Variants in HRH1 observed in about 807,000 individuals in gnomAD.
The protein encoded by HRH1 is histamine receptor H1, also known as histamine H1 receptor.
HRH1 carries 6 observed loss-of-function variants against 10.3 expected under a neutral mutation model. The ratio of observed to expected loss-of-function variants is 0.58; its 90% CI spans 0.32 to 1.15. The LOEUF is 1.15. Among genes scored for constraint, HRH1 ranks in the 50% most tolerant of loss-of-function variants. HRH1 has a pLI of 0.05. For synonymous variants in HRH1, 242 were observed against 236.7 expected (o/e 1.02, Z -0.21); for missense variants, 514 against 615.3 (o/e 0.84, Z 1.74).
At chr3:11,138,138 C>T (rs532639896) in intron 1 of HRH1, among the ~76,000 whole-genome samples, 1 of 151,678 alleles carries the variant, frequency 6.6e-6, no homozygotes, top group African/African-American at 2.4e-5. Flanking sequence ...GCCTCAGTCT[C>T]CCAAGTAGCT....
chr3:11,141,865 C>G (rs1936297969), intron 1 of HRH1, among the ~76,000 whole-genome samples: 2 of 152,230 alleles, frequency 1.3e-5, no homozygotes, highest in Admixed American at 6.5e-5. Context: ...CATGTGTGAT[C>G]ACGTGTAGGG....
At chr3:11,151,500 G>C (rs543064550), upstream of HRH1, among the ~76,000 whole-genome samples, 27 of 134,846 alleles carry the variant, frequency 2.0e-4, no homozygotes, top group East Asian at 2.5e-3. Context: ...TCCTTTTTTG[G>C]GGGGGCGGTG....
intron 1 of HRH1, among the ~76,000 whole-genome samples, chr3:11,172,303 A>T (rs1302213572): frequency 2.0e-5 from 3 of 152,232 alleles, no homozygotes; most frequent in Non-Finnish European, 4.4e-5. Context: ...GGGAAAGATG[A>T]GGCCTGGGTC....
rs529503070 is a variant in HRH1 at position 11,223,479 on chromosome 3, A to G, written c.-35-35524A>G. Among the ~76,000 whole-genome samples, 171 of 141,812 alleles carry G rather than the reference A, an allele frequency of 1.2e-3. 1 individual carries two copies. The highest frequency in any genetic ancestry group is 4.1e-3 in the African/African-American group (154 of 37,304). 93.0% of individuals were successfully genotyped at this position (141,812 alleles called of 152,430 possible). A position where few individuals can be genotyped will look rare whatever the true frequency, so the allele number is the denominator to read the frequency against. On this transcript the variant is annotated intron_variant, in intron 1 of 1. Transcript: ENST00000431010. ...GCGCCACTGCGCTCCAGCCTGGGCG[A>G]CAGAGCGAGACTCCATCTCAAAAAA...
intron 1 of HRH1, among the ~76,000 whole-genome samples, chr3:11,174,744 C>T (rs907664107): frequency 6.6e-6 from 1 of 152,162 alleles, no homozygotes; most frequent in Admixed American, 6.5e-5. Flanking sequence ...GGGTGCCCCT[C>T]GTGTACAGGG....
At chr3:11,216,434 T>C (rs1241114737) in intron 1 of HRH1, among the ~76,000 whole-genome samples, 1 of 152,206 alleles carries the variant, frequency 6.6e-6, no homozygotes, top group Non-Finnish European at 1.5e-5. Context: ...AAAATATTAT[T>C]CAGCATCCAA....
chr3:11,150,065 T>C (rs901864), upstream of HRH1, among the ~76,000 whole-genome samples: 2,456 of 152,378 alleles, frequency 0.016, 35 homozygotes, highest in Middle Eastern at 0.024. Context: ...CTTCTCATTG[T>C]GATCTTTTAA....
At chr3:11,205,213 C>T (rs1938072010) in intron 1 of HRH1, among the ~76,000 whole-genome samples, 1 of 152,166 alleles carries the variant, frequency 6.6e-6, no homozygotes, top group Admixed American at 6.5e-5. Flanking sequence ...GAAATTCTTC[C>T]TTCTGGAGAA....
intron 1 of HRH1, among the ~76,000 whole-genome samples, chr3:11,249,650 G>A: frequency 6.6e-6 from 1 of 152,186 alleles, no homozygotes; most frequent in African/African-American, 2.4e-5. Context: ...TGAAACAAAT[G>A]TATGGTTTCA....
At chr3:11,189,812 TC>T (rs1311324877) in intron 1 of HRH1, among the ~76,000 whole-genome samples, 6 of 151,778 alleles carry the variant, frequency 4.0e-5, no homozygotes. Flanking sequence ...TAGCCAGGCA[TC>T]ATGGCACACA....
At chr3:11,207,234 G>A (rs905166647) in intron 1 of HRH1, among the ~76,000 whole-genome samples, 1 of 152,066 alleles carries the variant, frequency 6.6e-6, no homozygotes, top group African/African-American at 2.4e-5. Flanking sequence ...GGCTCAGGCA[G>A]AACTTACTAG....
intron 1 of HRH1, among the ~76,000 whole-genome samples, chr3:11,236,451 A>AACAAC (rs1939184160): frequency 6.6e-6 from 1 of 151,878 alleles, no homozygotes; most frequent in African/African-American, 2.4e-5. Flanking sequence ...AACAAAACAA[A>AACAAC]GCTCTCAGGC....
intron 1 of HRH1, among the ~76,000 whole-genome samples, chr3:11,209,067 T>C (rs1273191531): frequency 1.3e-5 from 2 of 152,324 alleles, no homozygotes; most frequent in East Asian, 3.9e-4. Flanking sequence ...GAAATACTTA[T>C]TAACAGAGAG....
intron 1 of HRH1, among the ~76,000 whole-genome samples, chr3:11,146,949 G>T (rs1241037941): frequency 6.6e-6 from 1 of 152,214 alleles, no homozygotes; most frequent in South Asian, 2.1e-4. Flanking sequence ...AGATAGGAAT[G>T]AAGATGTGTC....
intron 1 of HRH1, among the ~76,000 whole-genome samples, chr3:11,258,118 A>G (rs1438624217): frequency 1.3e-5 from 2 of 152,182 alleles, no homozygotes; most frequent in African/African-American, 4.8e-5. Context: ...ATTTTCCTCT[A>G]AAAAGATATG....
Position 11,199,222 on chromosome 3 carries a change from G to A in HRH1, c.-36+44668G>A, listed in dbSNP as rs140231467. 9.3e-3 allele frequency among the ~76,000 whole-genome samples: 1,420 copies of A among 152,152 alleles called. 12 individuals are homozygous for A. The highest frequency in any genetic ancestry group is 0.017 in the Middle Eastern group (5 of 294). ...ACAAGCTTGTAATCTCTATATTATAGGTGAAATAGTTCAGGGATAGAGAGG... is the reference window on the plus strand; with the variant it reads ...ACAAGCTTGTAATCTCTATATTATAAGTGAAATAGTTCAGGGATAGAGAGG... On this transcript the variant is annotated intron_variant, in intron 1 of 1. Coordinates refer to ENST00000431010, the MANE Select transcript of HRH1 (RefSeq NM_001098212.2).
In HRH1 at chr3:11,262,866, G is replaced by A. The variant is rs73011775; in HGVS notation, c.*2365G>A. ...GTCTCTAGTGCTTGTATAGTGTCTG[G>A]TATACAGAGGGCACTCCTATGCATT... On this transcript the variant is annotated 3_prime_UTR_variant, in exon 2 of 2. Transcript: ENST00000431010. 1.8e-3 allele frequency: 306 copies of A among 167,218 alleles called. 1 individual carries two copies. The highest frequency in any genetic ancestry group is 4.6e-3 in the Admixed American group (70 of 15,300). The allele number at this position is 167,218 out of a possible 1,614,324, so 10.4% of individuals were successfully genotyped here. A position where few individuals can be genotyped will look rare whatever the true frequency, so the allele number is the denominator to read the frequency against.
intron 1 of HRH1, among the ~76,000 whole-genome samples, chr3:11,211,392 A>T (rs1938322370): frequency 6.6e-6 from 1 of 152,226 alleles, no homozygotes; most frequent in African/African-American, 2.4e-5. Flanking sequence ...GTAATAATAG[A>T]TGTAGGACCC....
intron 1 of HRH1, among the ~76,000 whole-genome samples, chr3:11,243,692 T>C (rs992405591): frequency 1.3e-5 from 2 of 152,210 alleles, no homozygotes; most frequent in African/African-American, 4.8e-5. Context: ...TTTCTTCTAC[T>C]GAGCCTTAAA....
Sources: gnomAD v4.1 joint callset for allele counts (sites outside exome capture counted in the v4.1 genomes callset) on GRCh38, gnomAD v4.1.1 for gene constraint, MANE v1.5 for transcripts, NCBI Gene and HGNC (gene_info 2026-07-23, HGNC 2026-07-21) for gene names.